The following ZNF654 variants were observed in gnomAD, a reference collection of about 807,000 sequenced individuals.
The protein encoded by ZNF654 is melanoma-associated antigen.
Under a neutral mutation model 95.3 loss-of-function variants are expected in ZNF654, and 19 were observed. The observed-to-expected ratio is 0.20, with a 90% CI of 0.14 to 0.29. The LOEUF (loss-of-function observed/expected upper bound fraction) is 0.29. Among genes scored for constraint, ZNF654 ranks in the 10% least tolerant of loss-of-function variants. ZNF654 has a pLI of 1.00. For synonymous variants in ZNF654, 413 were observed against 457.9 expected (o/e 0.90, Z 1.25); for missense variants, 1,046 against 1,341.0 (o/e 0.78, Z 3.44).
chr3:88,103,448 C>G (rs1373974585), intron 2 of ZNF654, among the ~76,000 whole-genome samples: 3 of 151,980 alleles, frequency 2.0e-5, no homozygotes, highest in African/African-American at 7.2e-5. Context: ...AACTAAAAGG[C>G]AAGGAGAAAC....
chr3:88,095,692 T>G, intron 2 of ZNF654: 1 of 418,074 alleles, frequency 2.4e-6, no homozygotes, highest in South Asian at 1.9e-5. Context: ...CAGCACAGTT[T>G]GAGAAATTGG....
chr3:88,086,847 A>G (rs1228770681), intron 2 of ZNF654, among the ~76,000 whole-genome samples: 2 of 152,176 alleles, frequency 1.3e-5, no homozygotes, highest in South Asian at 4.1e-4. Context: ...CAGTGGTGCC[A>G]TCTCGGCTCA....
At chr3:88,072,733 A>C (rs1231136066) in intron 1 of ZNF654, among the ~76,000 whole-genome samples, 1 of 152,092 alleles carries the variant, frequency 6.6e-6, no homozygotes, top group Non-Finnish European at 1.5e-5. Flanking sequence ...ATATATATTC[A>C]TTTACCTCTT....
chr3:88,126,052 A>G, intron 3 of ZNF654, 82 bp from the exon 4 acceptor site: 1 of 1,300,078 alleles, frequency 7.7e-7, no homozygotes, highest in Non-Finnish European at 1.0e-6. Context: ...ACTGGCCATC[A>G]GTCATTTTAT....
rs952381399 is a variant in ZNF654 at position 88,139,859 on chromosome 3, T to C, written c.2190T>C (p.Thr730=). The C allele has an allele frequency of 4.4e-6, 7 of 1,600,132 alleles. No individual in the cohort carries two copies. The highest frequency in any genetic ancestry group is 6.0e-6 in the Non-Finnish European group (7 of 1,172,768). Residue 730 remains threonine, a synonymous_variant, in exon 8 of 9, where the codon ACT becomes ACC. Transcript: ENST00000636215. Reference sequence around the variant, plus strand: ...CAGTAATTCATAAAATCAATGGAACTGTGTGCCATCCAAAAGACATATATG... The same window carrying C: ...CAGTAATTCATAAAATCAATGGAACCGTGTGCCATCCAAAAGACATATATG... ...ETSVIHKING[T]VCHPKDIYAT...
intron 2 of ZNF654, among the ~76,000 whole-genome samples, chr3:88,094,404 T>C (rs1254552139): frequency 6.6e-6 from 1 of 152,156 alleles, no homozygotes; most frequent in East Asian, 1.9e-4. Flanking sequence ...AGCAAAGAGA[T>C]AGATTACTAA....
At chr3:88,127,037 C>A (rs1693701666) in intron 4 of ZNF654, among the ~76,000 whole-genome samples, 1 of 152,056 alleles carries the variant, frequency 6.6e-6, no homozygotes, top group South Asian at 2.1e-4. Context: ...CATTCCTGAA[C>A]CCCAGAACAT....
Position 88,113,195 on chromosome 3 carries a change from A to C in ZNF654, c.413A>C (p.Gln138Pro). The change falls in exon 3 of 9, where the codon CAG (glutamine) becomes CCG (proline). Residue 138 changes from glutamine (Q) to proline (P), a missense_variant and splice_region_variant. Physicochemically the swap from Gln to Pro is moderately conservative, Grantham distance 76. This residue lies in a region of ZNF654 where 91 missense variants were observed against 190.5 expected (regional missense o/e 0.48). Transcript: ENST00000636215. The stretch of plus-strand genomic sequence containing the variant: ...TTAAAGGATATTCTTGGATCATTCC[A>C]GGTAAAAAACAGTTTACTACTTCAC... ...EPLKDILGSF[Q>P]ECQNHLRRYG... 6.5e-7 allele frequency: 1 copy of C among 1,530,612 alleles called. No homozygotes were observed. Among genetic ancestry groups the C allele is most frequent in the Non-Finnish European group, 8.7e-7 (1 of 1,143,082 alleles). The allele number at this position is 1,530,612 out of a possible 1,614,324, so 94.8% of individuals were successfully genotyped here. A position where few individuals can be genotyped will look rare whatever the true frequency, so the allele number is the denominator to read the frequency against.
chr3:88,138,652 T>TCTA, intron 7 of ZNF654, 53 bp from the exon 8 acceptor site: 1 of 1,101,420 alleles, frequency 9.1e-7, no homozygotes, highest in Non-Finnish European at 1.2e-6. Flanking sequence ...TAGACTAGTA[T>TCTA]AACCATTTTT....
At chr3:88,068,419 A>G (rs1287077637) in intron 1 of ZNF654, among the ~76,000 whole-genome samples, 1 of 152,120 alleles carries the variant, frequency 6.6e-6, no homozygotes, top group Non-Finnish European at 1.5e-5. Flanking sequence ...CAGGTGCACA[A>G]AATTGTTCTG....
chr3:88,107,150 G>A (rs7651999), intron 2 of ZNF654, among the ~76,000 whole-genome samples: 107,525 of 152,064 alleles, frequency 0.71, 41,726 homozygotes, highest in South Asian at 0.91. Flanking sequence ...TTAGTTAAGG[G>A]GAATTTAGCT....
chr3:88,080,236 TA>T (rs1204426512), intron 1 of ZNF654, among the ~76,000 whole-genome samples: 1 of 152,126 alleles, frequency 6.6e-6, no homozygotes, highest in Non-Finnish European at 1.5e-5. Flanking sequence ...GTTTGCTTGC[TA>T]AAAGTGAGTA....
intron 3 of ZNF654, among the ~76,000 whole-genome samples, chr3:88,120,479 C>T (rs1207250263): frequency 1.3e-5 from 2 of 152,070 alleles, no homozygotes; most frequent in African/African-American, 4.8e-5. Context: ...TCGATAGAGG[C>T]CTAGACTAGA....
chr3:88,116,283 G>A (rs1384734138), intron 3 of ZNF654, among the ~76,000 whole-genome samples: 1 of 152,102 alleles, frequency 6.6e-6, no homozygotes, highest in East Asian at 1.9e-4. Context: ...CACTTTGGGA[G>A]GCCGAGGCGG....
At chr3:88,116,557 T>C (rs200360420) in intron 3 of ZNF654, among the ~76,000 whole-genome samples, 4 of 25,502 alleles carry the variant, frequency 1.6e-4, no homozygotes, top group East Asian at 1.8e-3. Flanking sequence ...TACATACATA[T>C]ATATACACAC....
In ZNF654 at chr3:88,128,968, C is replaced by T. The variant is rs1488590322; in HGVS notation, c.710C>T (p.Thr237Ile). 6.5e-7 allele frequency: 1 copy of T among 1,535,042 alleles called. No homozygotes were observed. The highest frequency in any genetic ancestry group is 1.2e-5 in the South Asian group (1 of 83,996). ...KDLYFHQALF[T>I]CLFMSPVEDQ... ...TTATACTTCCATCAAGCACTCTTCA[C>T]ATGTCTGTTTATGTCACCTGTAGAA... The change falls in exon 5 of 9, where the codon ACA becomes ATA. Residue 237 changes from threonine to isoleucine, a missense_variant. Thr to Ile is a moderately conservative substitution (Grantham distance 89, BLOSUM62 -1). Transcript: ENST00000636215.
chr3:88,111,061 T>C (rs1014271996), intron 2 of ZNF654, among the ~76,000 whole-genome samples: 1 of 152,004 alleles, frequency 6.6e-6, no homozygotes, highest in Admixed American at 6.6e-5. Flanking sequence ...ATTTCTGTGT[T>C]TTAGGAAGAT....
At chr3:88,111,882 C>G (rs79690485) in intron 2 of ZNF654, among the ~76,000 whole-genome samples, 2,013 of 151,932 alleles carry the variant, frequency 0.013, 37 homozygotes, top group African/African-American at 0.045. Flanking sequence ...GGCATTTAAT[C>G]TTTATAATTT....
intron 7 of ZNF654, among the ~76,000 whole-genome samples, chr3:88,137,389 A>G (rs1332515180): frequency 6.6e-6 from 1 of 152,102 alleles, no homozygotes; most frequent in Non-Finnish European, 1.5e-5. Flanking sequence ...GATTTATAGG[A>G]GCAAACTAAG....
Sources: gnomAD v4.1 joint callset for allele counts (sites outside exome capture counted in the v4.1 genomes callset) on GRCh38, gnomAD v4.1.1 for gene constraint, gnomAD v4.1.1 regional missense constraint, MANE v1.5 for transcripts, NCBI Gene and HGNC (gene_info 2026-07-23, HGNC 2026-07-21) for gene names.